MAD1L1: variants seen among roughly 807,000 people sequenced by gnomAD.
MAD1L1 encodes the protein mitotic arrest deficient 1 like 1, also known as mitotic spindle assembly checkpoint protein MAD1.
MAD1L1 carries 95 observed loss-of-function variants against 96.9 expected under a neutral mutation model. That is an observed-to-expected ratio of 0.98 (90% confidence interval 0.83 to 1.16). MAD1L1 has a LOEUF of 1.16. Among genes scored for constraint, MAD1L1 ranks in the 50% most tolerant of loss-of-function variants. The pLI is 0.00. For synonymous variants in MAD1L1, 473 were observed against 396.6 expected (o/e 1.19, Z -2.29); for missense variants, 1,007 against 954.4 (o/e 1.06, Z -0.73).
In MAD1L1 at chr7:1,961,079, G is replaced by A. The variant is rs139190196; in HGVS notation, c.1506-3360C>T. ...GAAAAACCTGCACGTGACAAGCTCC[G>A]AGCACTGTGAAGAGAGCTCCAGGGC... On this transcript the variant is annotated intron_variant, in intron 15 of 18. Transcript: ENST00000265854. Among the ~76,000 whole-genome samples, 32 of 152,256 alleles carry A rather than the reference G, an allele frequency of 2.1e-4. No individual in the cohort carries two copies. In the East Asian group the frequency reaches 5.6e-3, roughly 27 times the overall value.
chr7:1,957,905 G>C (rs1217143652), intron 15 of MAD1L1, among the ~76,000 whole-genome samples, 186 bp from the exon 16 acceptor site: 1 of 152,248 alleles, frequency 6.6e-6, no homozygotes, highest in African/African-American at 2.4e-5. Context: ...AACGACACAA[G>C]TACAGGATGG....
intron 10 of MAD1L1, among the ~76,000 whole-genome samples, chr7:2,176,558 AC>A (rs549271226): frequency 2.6e-4 from 40 of 152,154 alleles, no homozygotes; most frequent in Non-Finnish European, 5.3e-4. Context: ...CTATTTTTAT[AC>A]AAAAAAAGCC....
intron 12 of MAD1L1, among the ~76,000 whole-genome samples, chr7:2,067,337 C>A (rs994518388): frequency 6.6e-6 from 1 of 152,126 alleles, no homozygotes; most frequent in Non-Finnish European, 1.5e-5. Context: ...GAAAGGAGAA[C>A]TGAGACCCAG....
Sources: gnomAD v4.1 joint callset for allele counts (sites outside exome capture counted in the v4.1 genomes callset) on GRCh38, gnomAD v4.1.1 for gene constraint, MANE v1.5 for transcripts, NCBI Gene and HGNC (gene_info 2026-07-23, HGNC 2026-07-21) for gene names.